The following RSPO4 variants were observed in gnomAD, a reference collection of about 807,000 sequenced individuals.
RSPO4 encodes the protein R-spondin 4.
A neutral mutation model predicts 24.8 loss-of-function variants in RSPO4; 23 were observed. That is an observed-to-expected ratio of 0.93 (90% CI 0.67 to 1.31). The LOEUF is 1.31. Ranked by LOEUF, RSPO4 falls within the 40% of genes most tolerant of loss-of-function variation. The probability of loss-of-function intolerance (pLI) is 0.00; values close to 1 mark genes in which losing one functional copy is unlikely to be tolerated. For missense variants in RSPO4, 333 were observed against 316.5 expected (o/e 1.05, Z -0.39); for synonymous variants, 141 against 127.4 (o/e 1.11, Z -0.72).
intron 1 of RSPO4, among the ~76,000 whole-genome samples, chr20:973,365 A>AG (rs147458390): frequency 0.026 from 3,906 of 152,342 alleles, 152 homozygotes; most frequent in African/African-American, 0.08. Context: ...TGAGGCCAGA[A>AG]GGGGTGGAGC....
chr20:991,724 A>C (rs910151501), intron 1 of RSPO4, among the ~76,000 whole-genome samples: 15 of 152,042 alleles, frequency 9.9e-5, no homozygotes, highest in African/African-American at 3.6e-4. Flanking sequence ...TAAAAAATAC[A>C]TTTGTAAAAT....
intron 1 of RSPO4, among the ~76,000 whole-genome samples, chr20:984,884 C>A (rs1984851516): frequency 6.6e-6 from 1 of 151,152 alleles, no homozygotes. Flanking sequence ...CCCATCTGCC[C>A]ACCCATCTAT....
chr20:988,624 C>CA (rs1984997259), intron 1 of RSPO4, among the ~76,000 whole-genome samples: 1 of 152,110 alleles, frequency 6.6e-6, no homozygotes, highest in South Asian at 2.1e-4. Flanking sequence ...GATCTCGACT[C>CA]AGTGCAACCT....
chr20:989,823 C>T (rs1985038467), intron 1 of RSPO4, among the ~76,000 whole-genome samples: 1 of 152,210 alleles, frequency 6.6e-6, no homozygotes. Flanking sequence ...TACAGGCTGT[C>T]CTACCCCACC....
chr20:998,404 C>T (rs1340330167), intron 1 of RSPO4, among the ~76,000 whole-genome samples: 1 of 152,236 alleles, frequency 6.6e-6, no homozygotes, highest in Non-Finnish European at 1.5e-5. Context: ...GATTCATTTA[C>T]ACTTCATTAA....
intron 1 of RSPO4, among the ~76,000 whole-genome samples, chr20:984,003 A>G (rs6108261): frequency 0.042 from 6,460 of 152,150 alleles, 493 homozygotes; most frequent in African/African-American, 0.15. Context: ...ATAGGTCCAA[A>G]ATAAATACCC....
Position 967,260 on chromosome 20 carries a change from T to G in RSPO4, c.323A>C (p.Lys108Thr). 6.2e-7 allele frequency: 1 copy of G among 1,614,232 alleles called. No individual in the cohort carries two copies. Among genetic ancestry groups the G allele is most frequent in the Non-Finnish European group, 8.5e-7 (1 of 1,180,026 alleles). The change falls in exon 3 of 5, where the codon AAG becomes ACG. Residue 108 changes from lysine (K) to threonine (T), a missense_variant. Coordinates refer to ENST00000217260, the MANE Select transcript of RSPO4 (RefSeq NM_001029871.4). ...CCCCTTGTACAAGTAAAACTGCCTC[T>G]TGCACCGGATGCAGAAGTCCTGGCT... is the stretch of plus-strand genomic sequence containing the variant. Reference protein sequence around the residue: ...CFSQDFCIRCKRQFYLYKGKC... With the variant: ...CFSQDFCIRCTRQFYLYKGKC...
chr20:1,000,706 TCCAGAGC>T (rs1985433593), intron 1 of RSPO4, among the ~76,000 whole-genome samples: 1 of 152,170 alleles, frequency 6.6e-6, no homozygotes, highest in South Asian at 2.1e-4. Flanking sequence ...TTGACCTGGC[TCCAGAGC>T]CCATGCCCCT....
intron 1 of RSPO4, among the ~76,000 whole-genome samples, chr20:989,723 G>A (rs1985035128): frequency 6.6e-6 from 1 of 152,164 alleles, no homozygotes; most frequent in African/African-American, 2.4e-5. Context: ...ACTGTTAGTG[G>A]GCCTCAGTTT....
chr20:976,810 A>T (rs1984580884), intron 1 of RSPO4, among the ~76,000 whole-genome samples: 1 of 152,094 alleles, frequency 6.6e-6, no homozygotes, highest in African/African-American at 2.4e-5. Context: ...ATTTTTTTTA[A>T]AAAAAACAAG....
At chr20:977,830 T>C (rs1048391386) in intron 1 of RSPO4, among the ~76,000 whole-genome samples, 4 of 152,068 alleles carry the variant, frequency 2.6e-5, no homozygotes, top group Admixed American at 6.5e-5. Context: ...AGGAGGGCCC[T>C]ACACAGACAG....
intron 1 of RSPO4, among the ~76,000 whole-genome samples, chr20:982,015 C>A (rs1026533541): frequency 6.6e-6 from 1 of 152,196 alleles, no homozygotes; most frequent in Non-Finnish European, 1.5e-5. Context: ...CTGGTGGGAG[C>A]CCTGGGGGTG....
At chr20:978,339 C>T (rs555701563) in intron 1 of RSPO4, among the ~76,000 whole-genome samples, 3 of 152,300 alleles carry the variant, frequency 2.0e-5, no homozygotes, top group African/African-American at 7.2e-5. Flanking sequence ...AACTCATCTG[C>T]GCAAAGTGCT....
At position 964,791 on chromosome 20, in the gene RSPO4, C is replaced by CAT. The variant is rs200872908; in HGVS notation, c.410-673_410-672dup. On this transcript the variant is annotated intron_variant, in intron 3 of 4. Coordinates refer to ENST00000217260, the MANE Select transcript of RSPO4 (RefSeq NM_001029871.4). ...ACACACACACACATATATATATACA[C>CAT]ATATATACACACATACACACACACA... is the stretch of plus-strand genomic sequence containing the variant. Among the ~76,000 whole-genome samples the CAT allele has an allele frequency of 9.8e-5, 12 of 123,006 alleles. No homozygotes were observed. The East Asian group carries it at 1.6e-3, about 16-fold the overall frequency. 80.7% of individuals were successfully genotyped at this position (123,006 alleles called of 152,430 possible).
Position 960,512 on chromosome 20 carries a change from T to C in RSPO4, c.596-46A>G, listed in dbSNP as rs1332029767. Reference sequence around the variant, plus strand: ...CCGGTGACCAAGGCTGCAGGGCCAGTTAGGTCCTGGGAGCCTCCTCAGTCC... The same window carrying C: ...CCGGTGACCAAGGCTGCAGGGCCAGCTAGGTCCTGGGAGCCTCCTCAGTCC... On this transcript the variant is annotated intron_variant, in intron 4 of 4. Coordinates refer to ENST00000217260, the MANE Select transcript of RSPO4 (RefSeq NM_001029871.4). 3.6e-6 allele frequency: 5 copies of C among 1,400,106 alleles called. No homozygotes were observed. The African/African-American group carries it at 5.7e-5, about 16-fold the overall frequency. 86.7% of individuals were successfully genotyped at this position (1,400,106 alleles called of 1,614,324 possible).
At chr20:995,981 C>A (rs1003041466) in intron 1 of RSPO4, among the ~76,000 whole-genome samples, 5 of 152,192 alleles carry the variant, frequency 3.3e-5, no homozygotes, top group African/African-American at 4.8e-5. Flanking sequence ...AAACACATTT[C>A]TCAAAATAAT....
chr20:964,216 C>G (rs1984108224), intron 3 of RSPO4, 96 bp from the exon 4 acceptor site: 1 of 943,934 alleles, frequency 1.1e-6, no homozygotes, highest in Admixed American at 2.7e-5. Flanking sequence ...GGGGTTCAGT[C>G]CTCTGAAGAC....
intron 1 of RSPO4, among the ~76,000 whole-genome samples, chr20:984,397 C>T (rs1041181745): frequency 1.3e-5 from 2 of 152,110 alleles, no homozygotes; most frequent in African/African-American, 4.8e-5. Context: ...ACTTGGGGCC[C>T]CACTGCCAGT....
chr20:983,911 G>C (rs1409384023), intron 1 of RSPO4, among the ~76,000 whole-genome samples: 1 of 152,142 alleles, frequency 6.6e-6, no homozygotes, highest in African/African-American at 2.4e-5. Flanking sequence ...CATAGCTGGT[G>C]AGTGGCAAAC....
Sources: allele counts gnomAD v4.1 joint callset (sites outside exome capture counted in the v4.1 genomes callset), GRCh38; gene constraint gnomAD v4.1.1; transcripts MANE v1.5; gene names NCBI Gene and HGNC (gene_info 2026-07-23, HGNC 2026-07-21).